HEBP2: variants seen among roughly 807,000 people sequenced by gnomAD.
The protein encoded by HEBP2 is heme-binding protein 2.
HEBP2 carries 27 observed loss-of-function variants against 23.1 expected under a neutral mutation model. That is an observed-to-expected ratio of 1.17 (90% CI 0.86 to 1.61). The LOEUF (loss-of-function observed/expected upper bound fraction) is 1.61. Ranked by LOEUF, HEBP2 falls within the 40% of genes most tolerant of loss-of-function variation. The probability of loss-of-function intolerance (pLI) is 0.00; values close to 1 mark genes in which losing one functional copy is unlikely to be tolerated. For missense variants in HEBP2, 245 were observed against 253.8 expected (o/e 0.97, Z 0.24); for synonymous variants, 99 against 95.1 (o/e 1.04, Z -0.24).
Position 138,413,147 on chromosome 6 carries a change from TAAGTA to T in HEBP2, c.*74_*78del. 3 of 1,189,408 alleles carry T rather than the reference TAAGTA, an allele frequency of 2.5e-6. No homozygotes were observed. The highest frequency in any genetic ancestry group is 2.3e-5 in the East Asian group (1 of 42,814). 73.7% of individuals were successfully genotyped at this position (1,189,408 alleles called of 1,614,324 possible). A position where few individuals can be genotyped will look rare whatever the true frequency, so the allele number is the denominator to read the frequency against. On this transcript the variant is annotated 3_prime_UTR_variant, in exon 4 of 4. Transcript: ENST00000607197. ...TTATCATAGACATCAACATGACCTA[TAAGTA>T]AAGTGCGTGTCTAGTGTCTTCTATT...
In HEBP2 at chr6:138,419,003, A is replaced by G. The variant is rs1240208076; in HGVS notation, c.*5925A>G. 4.6e-5 allele frequency: 7 copies of G among 152,080 alleles called. No homozygotes were observed. The highest frequency in any genetic ancestry group is 1.7e-4 in the African/African-American group (7 of 41,414). The allele number at this position is 152,080 out of a possible 1,614,324, so 9.4% of individuals were successfully genotyped here. ...ATATGGAGTGAACACAGAAGTTGAA[A>G]AACTGTATCACATGTTAATGCCCAC... On this transcript the variant is annotated 3_prime_UTR_variant, in exon 4 of 4. Transcript: ENST00000607197.
At chr6:138,405,934 A>C (rs1774636399) in intron 2 of HEBP2, 37 bp from the exon 3 acceptor site, 3 of 1,573,916 alleles carry the variant, frequency 1.9e-6, no homozygotes, top group Non-Finnish European at 1.7e-6. Flanking sequence ...AAAGCTGTCA[A>C]AAATACACTA....
intron 3 of HEBP2, among the ~76,000 whole-genome samples, chr6:138,409,734 G>A (rs1315999557): frequency 3.3e-5 from 5 of 152,108 alleles, no homozygotes; most frequent in Non-Finnish European, 5.9e-5. Context: ...TTGTTCACAC[G>A]GTGCACAGTG....
At position 138,418,595 on chromosome 6, in the gene HEBP2, G is replaced by A. The variant is rs1259151308; in HGVS notation, c.*5517G>A. ...TTCCAAGCCAGACCAGAGGACATAA[G>A]CAAACTGCAAGAGCAATTACTCCAA... is the stretch of plus-strand genomic sequence containing the variant. On this transcript the variant is annotated 3_prime_UTR_variant, in exon 4 of 4. Coordinates refer to ENST00000607197, the MANE Select transcript of HEBP2 (RefSeq NM_014320.3). The A allele has an allele frequency of 6.6e-6, 1 of 152,238 alleles. No homozygotes were observed. Among genetic ancestry groups the A allele is most frequent in the Admixed American group, 6.5e-5 (1 of 15,268 alleles). 9.4% of individuals were successfully genotyped at this position (152,238 alleles called of 1,614,324 possible). A position where few individuals can be genotyped will look rare whatever the true frequency, so the allele number is the denominator to read the frequency against.
chr6:138,404,437 G>A lies in HEBP2; in HGVS notation c.-59G>A. The A allele has an allele frequency of 5.3e-6, 6 of 1,130,192 alleles. No homozygotes were observed. Among genetic ancestry groups the A allele is most frequent in the South Asian group, 4.3e-5 (1 of 23,496 alleles). 70.0% of individuals were successfully genotyped at this position (1,130,192 alleles called of 1,614,324 possible). ...CGGGGCGCGCACACGCAGGCGGGGC[G>A]GCCCGGGGTGCGGGGCCTCTGCGCG... On this transcript the variant is annotated 5_prime_UTR_variant, in exon 1 of 4. Coordinates refer to ENST00000607197, the MANE Select transcript of HEBP2 (RefSeq NM_014320.3).
Position 138,416,334 on chromosome 6 carries a change from A to AAAC in HEBP2, c.*3259_*3261dup, listed in dbSNP as rs1219721105. ...GTTGAAATGCCTGAATGGCTGGGACAAACAATAGAGAAAGGAATGAGAAGG... is the reference window on the plus strand; with the variant it reads ...GTTGAAATGCCTGAATGGCTGGGACAAACAACAATAGAGAAAGGAATGAGAAGG... On this transcript the variant is annotated 3_prime_UTR_variant, in exon 4 of 4. Coordinates refer to ENST00000607197, the MANE Select transcript of HEBP2 (RefSeq NM_014320.3). The AAAC allele has an allele frequency of 6.6e-6, 1 of 152,380 alleles. No homozygotes were observed. The highest frequency in any genetic ancestry group is 2.4e-5 in the African/African-American group (1 of 41,458). 9.4% of individuals were successfully genotyped at this position (152,380 alleles called of 1,614,324 possible).
chr6:138,405,036 C>T, intron 1 of HEBP2, 109 bp from the exon 2 acceptor site: 1 of 1,234,762 alleles, frequency 8.1e-7, no homozygotes, highest in African/African-American at 1.5e-5. Context: ...CGGTGCAGCC[C>T]CTAGACAGGA....
rs1339657580 is a variant in HEBP2 at position 138,421,042 on chromosome 6, A to AAGGT, written c.*7969_*7972dup. 6.6e-6 allele frequency: 1 copy of AAGGT among 152,154 alleles called. No homozygotes were observed. Among genetic ancestry groups the AAGGT allele is most frequent in the African/African-American group, 2.4e-5 (1 of 41,402 alleles). 9.4% of individuals were successfully genotyped at this position (152,154 alleles called of 1,614,324 possible). A position where few individuals can be genotyped will look rare whatever the true frequency, so the allele number is the denominator to read the frequency against. On this transcript the variant is annotated 3_prime_UTR_variant, in exon 4 of 4. Transcript: ENST00000607197. ...TGTGAATAAAGGCTGGCCGCTGTGG[A>AAGGT]AGGTAGGTCAGAGCAGGCAACTGAG... is the stretch of plus-strand genomic sequence containing the variant.
chr6:138,410,351 A>G (rs1214571292), intron 3 of HEBP2, among the ~76,000 whole-genome samples: 1 of 152,250 alleles, frequency 6.6e-6, no homozygotes, highest in Non-Finnish European at 1.5e-5. Context: ...ATTTCTAATT[A>G]GAGGGTTCAG....
intron 1 of HEBP2, 81 bp from the exon 2 acceptor site, chr6:138,405,064 G>A: frequency 6.6e-7 from 1 of 1,507,594 alleles, no homozygotes; most frequent in East Asian, 2.3e-5. Flanking sequence ...AGGTCGACCC[G>A]AGATCATGGC....
intron 2 of HEBP2, 43 bp from the exon 3 acceptor site, chr6:138,405,928 C>G (rs766015768): frequency 6.6e-7 from 1 of 1,505,396 alleles, no homozygotes; most frequent in South Asian, 1.2e-5. Flanking sequence ...ATGTTTAAAG[C>G]TGTCAAAAAT....
At position 138,413,079 on chromosome 6, in the gene HEBP2, G is replaced by A. The variant is rs961134598; in HGVS notation, c.*1G>A. The A allele has an allele frequency of 1.9e-6, 3 of 1,610,292 alleles. No individual in the cohort carries two copies. The African/African-American group carries it at 4.0e-5, about 22-fold the overall frequency. On this transcript the variant is annotated 3_prime_UTR_variant, in exon 4 of 4. Transcript: ENST00000607197. ...TGAACCCACCAAAGAAAACGAATGA[G>A]AAAAATGAAAGGAAGTTCTGCTGTC...
chr6:138,403,971 G>A (rs554561908), upstream of HEBP2, among the ~76,000 whole-genome samples: 225 of 152,200 alleles, frequency 1.5e-3, 1 homozygote, highest in Middle Eastern at 0.01. Flanking sequence ...AGGGGCCGCG[G>A]GGGTCGGGTC....
In HEBP2 at chr6:138,404,443, G is replaced by C; in HGVS notation, c.-53G>C. The stretch of plus-strand genomic sequence containing the variant: ...GCGCACACGCAGGCGGGGCGGCCCG[G>C]GGTGCGGGGCCTCTGCGCGGCTGAC... On this transcript the variant is annotated 5_prime_UTR_variant, in exon 1 of 4. Coordinates refer to ENST00000607197, the MANE Select transcript of HEBP2 (RefSeq NM_014320.3). 1 of 1,162,830 alleles carries C rather than the reference G, an allele frequency of 8.6e-7. No homozygotes were observed. The highest frequency in any genetic ancestry group is 3.4e-5 in the East Asian group (1 of 29,590). The allele number at this position is 1,162,830 out of a possible 1,614,324, so 72.0% of individuals were successfully genotyped here. A position where few individuals can be genotyped will look rare whatever the true frequency, so the allele number is the denominator to read the frequency against.
At chr6:138,408,765 G>A (rs1774693199) in intron 3 of HEBP2, among the ~76,000 whole-genome samples, 2 of 152,068 alleles carry the variant, frequency 1.3e-5, no homozygotes, top group African/African-American at 2.4e-5. Flanking sequence ...GATCACTGTC[G>A]ATGCCTGTTT....
chr6:138,412,017 A>G, intron 3 of HEBP2: 1 of 435,888 alleles, frequency 2.3e-6, no homozygotes, highest in South Asian at 1.6e-5. Context: ...CCATTGGATC[A>G]TAAATTCAGA....
At chr6:138,404,631 C>T (rs1269202910) in intron 1 of HEBP2, 34 bp downstream of exon 1, 4 of 1,237,348 alleles carry the variant, frequency 3.2e-6, no homozygotes, top group Non-Finnish European at 4.1e-6. Flanking sequence ...GGGGCTGGGC[C>T]CGCCTTCCGG....
At chr6:138,410,377 G>A (rs1467783607) in intron 3 of HEBP2, among the ~76,000 whole-genome samples, 1 of 151,976 alleles carries the variant, frequency 6.6e-6, no homozygotes, top group Non-Finnish European at 1.5e-5. Context: ...GATTTTAAGG[G>A]AAAATGAATT....
At chr6:138,409,651 C>G (rs543241878) in intron 3 of HEBP2, among the ~76,000 whole-genome samples, 48 of 152,330 alleles carry the variant, frequency 3.2e-4, no homozygotes, top group African/African-American at 1.1e-3. Flanking sequence ...CTGGAACTGT[C>G]ATCTTTCTTA....
Sources: gnomAD v4.1 joint callset for allele counts (sites outside exome capture counted in the v4.1 genomes callset) on GRCh38, gnomAD v4.1.1 for gene constraint, MANE v1.5 for transcripts, NCBI Gene and HGNC (gene_info 2026-07-23, HGNC 2026-07-21) for gene names.